The following LPL variants were observed in gnomAD, a reference collection of about 807,000 sequenced individuals.
The protein encoded by LPL is phospholipase A1.
A neutral mutation model predicts 52.2 loss-of-function variants in LPL; 43 were observed. That is an observed-to-expected ratio of 0.82 (90% CI 0.64 to 1.06). The LOEUF (loss-of-function observed/expected upper bound fraction) is 1.06, where lower values mean the gene tolerates loss of function less well. LPL is among the 50% of genes least tolerant of loss of function. The pLI, the probability that LPL is intolerant of heterozygous loss-of-function variation, is 0.00. For missense variants in LPL, 639 were observed against 585.3 expected (o/e 1.09, Z -0.95); for synonymous variants, 244 against 215.6 (o/e 1.13, Z -1.15).
At chr8:19,964,447 T>C (rs536221821) in intron 9 of LPL, among the ~76,000 whole-genome samples, 63 of 152,360 alleles carry the variant, frequency 4.1e-4, no homozygotes, top group African/African-American at 1.5e-3. Flanking sequence ...GAAAGCCTAA[T>C]GAAGCATTCC....
Position 19,962,300 on chromosome 8 carries a change from C to T in LPL, c.1427+81C>T. On this transcript the variant is annotated intron_variant, in intron 9 of 9. Coordinates refer to ENST00000650287, the MANE Select transcript of LPL (RefSeq NM_000237.3). ...GCAGCTTCATGCATTCCTCTTCACC[C>T]CATCACCAGCAGCTTGCCCTGACTC... 4 of 1,007,168 alleles carry T rather than the reference C, an allele frequency of 4.0e-6. No homozygotes were observed. In the South Asian group the frequency reaches 5.1e-5, roughly 13 times the overall value. The allele number at this position is 1,007,168 out of a possible 1,614,324, so 62.4% of individuals were successfully genotyped here.
intron 8 of LPL, 31 bp from the exon 9 acceptor site, chr8:19,962,084 A>T (rs775432017): frequency 2.1e-6 from 3 of 1,401,872 alleles, no homozygotes; most frequent in Admixed American, 3.3e-5. Context: ...ATTGTTCTAC[A>T]TGGCATATTC....
rs765034981 is a variant in LPL at position 19,965,318 on chromosome 8, C to T, written c.*8C>T. 5.1e-6 allele frequency: 4 copies of T among 780,178 alleles called. No homozygotes were observed. The highest frequency in any genetic ancestry group is 1.7e-5 in the African/African-American group (1 of 59,062). The allele number at this position is 780,178 out of a possible 1,614,324, so 48.3% of individuals were successfully genotyped here. Reference sequence around the variant, plus strand: ...CCTGTGCTTTTTCTCAGAAACTGGGCGAATCTACAGAACAAAGAACGGCAT... The same window carrying T: ...CCTGTGCTTTTTCTCAGAAACTGGGTGAATCTACAGAACAAAGAACGGCAT... On this transcript the variant is annotated 3_prime_UTR_variant, in exon 10 of 10. Coordinates refer to ENST00000650287, the MANE Select transcript of LPL (RefSeq NM_000237.3).
chr8:19,947,085 A>G (rs28445964), intron 1 of LPL, among the ~76,000 whole-genome samples: 10,258 of 152,324 alleles, frequency 0.067, 824 homozygotes, highest in African/African-American at 0.2. Flanking sequence ...GTATTTCTGA[A>G]CAACCTACTA....
At chr8:19,952,623 T>G (rs953167205) in intron 3 of LPL, among the ~76,000 whole-genome samples, 13 of 152,218 alleles carry the variant, frequency 8.5e-5, no homozygotes, top group South Asian at 8.3e-4. Flanking sequence ...TAAGCTGTGT[T>G]TATTAGACTG....
intron 9 of LPL, among the ~76,000 whole-genome samples, chr8:19,963,405 C>T (rs117199990): frequency 0.092 from 13,579 of 147,276 alleles, 597 homozygotes; most frequent in East Asian, 0.11. Flanking sequence ...CATTATATTC[C>T]AGCCTGGGCA....
intron 7 of LPL, 133 bp from the exon 8 acceptor site, chr8:19,960,768 T>C (rs2070031141): frequency 1.5e-6 from 1 of 684,536 alleles, no homozygotes; most frequent in African/African-American, 1.8e-5. Context: ...GAGTTCTTTG[T>C]TGGACATTTT....
Position 19,954,359 on chromosome 8 carries a change from T to C in LPL, c.775+6T>C, listed in dbSNP as rs777522216. ...TGCAGAGAGAGGACTTGGAGGTAAA[T>C]ATTATTTAGAAGCGAATTAAATGTG... On this transcript the variant is annotated splice_donor_region_variant and intron_variant, in intron 5 of 9. Coordinates refer to ENST00000650287, the MANE Select transcript of LPL (RefSeq NM_000237.3). The C allele has an allele frequency of 1.1e-5, 18 of 1,610,932 alleles. No homozygotes were observed. Among genetic ancestry groups the C allele is most frequent in the Non-Finnish European group, 1.5e-5 (18 of 1,177,178 alleles).
intron 2 of LPL, 69 bp from the exon 3 acceptor site, chr8:19,951,700 T>G: frequency 6.5e-7 from 1 of 1,539,840 alleles, no homozygotes; most frequent in Non-Finnish European, 9.0e-7. Context: ...CATGCAGGTG[T>G]ATTGGGCTGA....
chr8:19,963,279 T>C (rs970884778), intron 9 of LPL, among the ~76,000 whole-genome samples: 3 of 152,010 alleles, frequency 2.0e-5, no homozygotes, highest in African/African-American at 7.2e-5. Context: ...CTACTAAAAA[T>C]ATAAAAATTA....
At chr8:19,942,269 C>T (rs1239127569) in intron 1 of LPL, among the ~76,000 whole-genome samples, 1 of 152,150 alleles carries the variant, frequency 6.6e-6, no homozygotes, top group East Asian at 1.9e-4. Context: ...TTGCAACTTA[C>T]AATATTTTGC....
At chr8:19,963,589 T>G (rs910186152) in intron 9 of LPL, among the ~76,000 whole-genome samples, 2 of 152,176 alleles carry the variant, frequency 1.3e-5, no homozygotes, top group Non-Finnish European at 2.9e-5. Flanking sequence ...AAAATCACTG[T>G]GACCATATCA....
Position 19,965,761 on chromosome 8 carries a change from GGCACGA to G in LPL, c.*452_*457del. 6.4e-6 allele frequency: 1 copy of G among 156,290 alleles called. No individual in the cohort carries two copies. The highest frequency in any genetic ancestry group is 1.4e-5 in the Non-Finnish European group (1 of 71,162). 9.7% of individuals were successfully genotyped at this position (156,290 alleles called of 1,614,324 possible). ...AAGAATACAGAAAATGCTTTTCCGC[GGCACGA>G]ATCAGACTCATCTACACAGCAGTAT... On this transcript the variant is annotated 3_prime_UTR_variant, in exon 10 of 10. Transcript: ENST00000650287.
Position 19,939,647 on chromosome 8 carries a change from C to T in LPL, c.88+119C>T. On this transcript the variant is annotated intron_variant, in intron 1 of 9. Coordinates refer to ENST00000650287, the MANE Select transcript of LPL (RefSeq NM_000237.3). This position sits in a 1 kb window ranked among gnomAD's most constrained non-coding sequence, Gnocchi z 4.0. ...GCGGTGGATGCGCCCAGGGACTCTC[C>T]CAGCCTGGGCTCTAGCCCCGAAACG... The T allele has an allele frequency of 9.7e-7, 1 of 1,031,718 alleles. No individual in the cohort carries two copies. The highest frequency in any genetic ancestry group is 1.4e-6 in the Non-Finnish European group (1 of 701,550). 63.9% of individuals were successfully genotyped at this position (1,031,718 alleles called of 1,614,324 possible).
chr8:19,956,188 G>A, intron 6 of LPL, 105 bp downstream of exon 6: 2 of 1,512,340 alleles, frequency 1.3e-6, no homozygotes, highest in South Asian at 2.3e-5. Context: ...GATGATGACT[G>A]GTGTTACTAA....
chr8:19,940,372 G>A (rs778679151), intron 1 of LPL, among the ~76,000 whole-genome samples: 3 of 152,184 alleles, frequency 2.0e-5, no homozygotes, highest in Non-Finnish European at 2.9e-5. Context: ...GGTCAGCTCC[G>A]GGCGCCCGGC....
At position 19,948,297 on chromosome 8, in the gene LPL, T is replaced by C. The variant is rs2069901687; in HGVS notation, c.206T>C (p.Phe69Ser). 1 of 1,614,124 alleles carries C rather than the reference T, an allele frequency of 6.2e-7. No individual in the cohort carries two copies. Among genetic ancestry groups the C allele is most frequent in the Non-Finnish European group, 8.5e-7 (1 of 1,180,010 alleles). Residue 69 changes from phenylalanine to serine, a missense_variant, in exon 2 of 10, where the codon TTC (phenylalanine) becomes TCC (serine). Coordinates refer to ENST00000650287, the MANE Select transcript of LPL (RefSeq NM_000237.3). The stretch of plus-strand genomic sequence containing the variant: ...GCAGAGTCCGTGGCTACCTGTCATT[T>C]CAATCACAGCAGCAAAACCTTCATG... ...GVAESVATCHFNHSSKTFMVI... is the reference protein window; with the variant it reads ...GVAESVATCHSNHSSKTFMVI...
intron 1 of LPL, among the ~76,000 whole-genome samples, chr8:19,940,930 A>G (rs937513355): frequency 6.6e-6 from 1 of 152,232 alleles, no homozygotes; most frequent in Admixed American, 6.5e-5. Context: ...GTCTCTATAA[A>G]AAAAAAATAC....
In LPL at chr8:19,965,761, G is replaced by T; in HGVS notation, c.*451G>T. The T allele has an allele frequency of 6.4e-6, 1 of 156,290 alleles. No homozygotes were observed. Among genetic ancestry groups the T allele is most frequent in the Non-Finnish European group, 1.4e-5 (1 of 71,162 alleles). 9.7% of individuals were successfully genotyped at this position (156,290 alleles called of 1,614,324 possible). ...AAGAATACAGAAAATGCTTTTCCGC[G>T]GCACGAATCAGACTCATCTACACAG... On this transcript the variant is annotated 3_prime_UTR_variant, in exon 10 of 10. Transcript: ENST00000650287.
Sources: gnomAD v4.1 joint callset for allele counts (sites outside exome capture counted in the v4.1 genomes callset) on GRCh38, gnomAD v4.1.1 for gene constraint, Gnocchi (gnomAD v3.1) non-coding constraint, MANE v1.5 for transcripts, NCBI Gene and HGNC (gene_info 2026-07-23, HGNC 2026-07-21) for gene names.